The following LRRC39 variants were observed in gnomAD, a reference collection of about 807,000 sequenced individuals.
LRRC39 encodes leucine rich repeat containing 39.
Under a neutral mutation model 39.7 loss-of-function variants are expected in LRRC39, and 35 were observed. The ratio of observed to expected loss-of-function variants is 0.88; its 90% CI spans 0.67 to 1.17. The LOEUF (loss-of-function observed/expected upper bound fraction) is 1.17. Ranked by LOEUF, LRRC39 falls within the 50% of genes most tolerant of loss-of-function variation. The pLI is 0.00. For missense variants in LRRC39, 357 were observed against 385.8 expected (o/e 0.93, Z 0.62); for synonymous variants, 113 against 134.1 (o/e 0.84, Z 1.09).
In LRRC39 at chr1:100,168,440, T is replaced by C. The variant is rs931026821; in HGVS notation, c.77A>G (p.Asn26Ser). ...TTCCTTCTCTCGCTTCAGGTCTTCA[T>C]TGAGTTTCTTTATTCTTTTTTCCCA... is the stretch of plus-strand genomic sequence containing the variant. ...EVWEKRIKKLNEDLKREKEFQ... is the reference protein window; with the variant it reads ...EVWEKRIKKLSEDLKREKEFQ... Residue 26 changes from asparagine (N) to serine (S), a missense_variant, in exon 3 of 10, where the codon AAT becomes AGT. Transcript: ENST00000370137. 1.9e-6 allele frequency: 3 copies of C among 1,612,414 alleles called. No individual in the cohort carries two copies. Among genetic ancestry groups the C allele is most frequent in the African/African-American group, 2.7e-5 (2 of 74,868 alleles).
intron 3 of LRRC39, among the ~76,000 whole-genome samples, chr1:100,166,676 A>G (rs1659270214): frequency 6.6e-6 from 1 of 152,218 alleles, no homozygotes; most frequent in Non-Finnish European, 1.5e-5. Context: ...TTTAAAAGGG[A>G]AACAGAGCAT....
intron 2 of LRRC39, among the ~76,000 whole-genome samples, chr1:100,170,709 CTTCT>C (rs1452139635): frequency 6.6e-6 from 1 of 151,678 alleles, no homozygotes; most frequent in Non-Finnish European, 1.5e-5. Flanking sequence ...CCATCCCTTT[CTTCT>C]TTCTTTCTTT....
At chr1:100,176,295 G>A (rs147526660) in intron 1 of LRRC39, among the ~76,000 whole-genome samples, 6,889 of 152,230 alleles carry the variant, frequency 0.045, 180 homozygotes, top group African/African-American at 0.06. Context: ...AGGCGTGGTG[G>A]CACATGCCTG....
chr1:100,171,857 T>C (rs1557929709), intron 2 of LRRC39, among the ~76,000 whole-genome samples: 1 of 152,138 alleles, frequency 6.6e-6, no homozygotes, highest in South Asian at 2.1e-4. Context: ...ATCATGAAAT[T>C]AGAAGGCATT....
chr1:100,154,679 C>G (rs541110630), intron 8 of LRRC39, among the ~76,000 whole-genome samples: 3 of 152,084 alleles, frequency 2.0e-5, no homozygotes, highest in East Asian at 3.9e-4. Flanking sequence ...TCAGTTGATT[C>G]AAAATTTTGT....
At chr1:100,165,462 C>T (rs985367713) in intron 3 of LRRC39, among the ~76,000 whole-genome samples, 2 of 152,106 alleles carry the variant, frequency 1.3e-5, no homozygotes. Context: ...CCAGGATTGA[C>T]CTTGGGCTTC....
At position 100,168,565 on chromosome 1, in the gene LRRC39, C is replaced by T. The variant is rs1355966417; in HGVS notation, c.-49G>A. The T allele has an allele frequency of 2.2e-6, 3 of 1,388,334 alleles. No individual in the cohort carries two copies. Among genetic ancestry groups the T allele is most frequent in the East Asian group, 4.6e-5 (2 of 43,422 alleles). The allele number at this position is 1,388,334 out of a possible 1,614,324, so 86.0% of individuals were successfully genotyped here. Reference sequence around the variant, plus strand: ...ACCAACTTCATTAGGTTTTGAATAGCTGAATCATAGATACCATTTCAGAAA... The same window carrying T: ...ACCAACTTCATTAGGTTTTGAATAGTTGAATCATAGATACCATTTCAGAAA... On this transcript the variant is annotated 5_prime_UTR_variant, in exon 3 of 10. Coordinates refer to ENST00000370137, the MANE Select transcript of LRRC39 (RefSeq NM_144620.4).
chr1:100,159,453 A>T, intron 4 of LRRC39, 38 bp from the exon 5 acceptor site: 1 of 1,463,464 alleles, frequency 6.8e-7, no homozygotes, highest in South Asian at 1.5e-5. Flanking sequence ...TATATTACTT[A>T]AATTTTTTTA....
At chr1:100,167,038 T>A (rs1015457344) in intron 3 of LRRC39, among the ~76,000 whole-genome samples, 1 of 152,178 alleles carries the variant, frequency 6.6e-6, no homozygotes, top group Non-Finnish European at 1.5e-5. Context: ...CAGGGATGAA[T>A]CTTAATTTAT....
chr1:100,171,838 G>T (rs1407851494), intron 2 of LRRC39, among the ~76,000 whole-genome samples: 1 of 151,972 alleles, frequency 6.6e-6, no homozygotes, highest in Non-Finnish European at 1.5e-5. Flanking sequence ...TGTAGTCAAA[G>T]AAGCTATCAT....
intron 3 of LRRC39, among the ~76,000 whole-genome samples, chr1:100,164,747 G>A (rs1396854103): frequency 6.6e-6 from 1 of 151,700 alleles, no homozygotes; most frequent in Non-Finnish European, 1.5e-5. Context: ...TGACACCCAG[G>A]CTGGTGTGCA....
rs780873665 is a variant in LRRC39, at chr1:100,152,472, T to C, written c.865A>G (p.Ser289Gly). The C allele has an allele frequency of 3.7e-6, 6 of 1,614,082 alleles. No individual in the cohort carries two copies. The highest frequency in any genetic ancestry group is 5.1e-6 in the Non-Finnish European group (6 of 1,179,988). The stretch of plus-strand genomic sequence containing the variant: ...TCCTCTTCTTCATCTGTGCCTTCAC[T>C]GGGAGGAAGTGATACTTTCAATTTC... The part of the protein sequence containing the change: ...PLKLKVSLPP[S>G]EGTDEEEERE... Residue 289 changes from serine to glycine, a missense_variant, in exon 9 of 10, where the codon AGT becomes GGT. Transcript: ENST00000370137.
intron 9 of LRRC39, chr1:100,149,316 C>T (rs1657715032): frequency 3.9e-6 from 6 of 1,536,290 alleles, no homozygotes; most frequent in Non-Finnish European, 5.2e-6. Context: ...CAAATGCAGA[C>T]AATTCAGAGA....
chr1:100,153,913 C>T lies in LRRC39; in HGVS notation c.812+1138G>A, dbSNP rs547215657. Among the ~76,000 whole-genome samples the T allele has an allele frequency of 2.0e-5, 3 of 152,114 alleles. No individual in the cohort carries two copies. The Middle Eastern group carries it at 0.01, about 517-fold the overall frequency. On this transcript the variant is annotated intron_variant, in intron 8 of 9. Transcript: ENST00000370137. The stretch of plus-strand genomic sequence containing the variant: ...TGTTATAGGCATGCACCACCACTCC[C>T]GACTAATATATCTGCTATCAATAAC...
rs954096807 is a variant in LRRC39, at chr1:100,149,045, T to C, written c.1005A>G (p.Gly335=). The C allele has an allele frequency of 6.3e-7, 1 of 1,589,020 alleles. No homozygotes were observed. Among genetic ancestry groups the C allele is most frequent in the Non-Finnish European group, 8.5e-7 (1 of 1,170,710 alleles). The change falls in exon 10 of 10, where the codon GGA becomes GGG. Residue 335 remains glycine, a synonymous_variant. Transcript: ENST00000370137. ...TAGAAGGGCATCTTGAATTATATTA[T>C]CCATCCGTATTTATGGAGATTGGTA... is the stretch of plus-strand genomic sequence containing the variant. ...TTLPISINTD[G]
chr1:100,156,259 A>G lies in LRRC39; in HGVS notation c.572T>C (p.Ile191Thr). 1.2e-6 allele frequency: 2 copies of G among 1,613,892 alleles called. No homozygotes were observed. Among genetic ancestry groups the G allele is most frequent in the Non-Finnish European group, 1.7e-6 (2 of 1,179,856 alleles). ...LDLSMNDFTT[I>T]PLAVLNMPAL... ...AGGCATGTTCAACACAGCAAGAGGGATTGTAGTAAAATCGTTCATACTCAG... is the reference window on the plus strand; with the variant it reads ...AGGCATGTTCAACACAGCAAGAGGGGTTGTAGTAAAATCGTTCATACTCAG... Residue 191 changes from isoleucine to threonine, a missense_variant, in exon 7 of 10, where the codon ATC (isoleucine) becomes ACC (threonine). Ile to Thr is a moderately conservative substitution (Grantham distance 89). Coordinates refer to ENST00000370137, the MANE Select transcript of LRRC39 (RefSeq NM_144620.4).
intron 2 of LRRC39, among the ~76,000 whole-genome samples, chr1:100,170,456 A>C (rs1343454697): frequency 2.6e-5 from 4 of 152,172 alleles, no homozygotes; most frequent in Admixed American, 2.6e-4. Context: ...TAGATTCAAA[A>C]AGTAGCTTTG....
intron 6 of LRRC39, among the ~76,000 whole-genome samples, chr1:100,157,902 T>C (rs1054756098): frequency 1.3e-5 from 2 of 152,358 alleles, no homozygotes; most frequent in Non-Finnish European, 1.5e-5. Flanking sequence ...ATGATAACCA[T>C]TTATTAATTC....
chr1:100,161,681 C>G (rs1386401032), intron 3 of LRRC39, among the ~76,000 whole-genome samples: 1 of 152,194 alleles, frequency 6.6e-6, no homozygotes, highest in African/African-American at 2.4e-5. Context: ...AAGTCTCGCT[C>G]TGTCATCCAG....
Sources: gnomAD v4.1 joint callset for allele counts (sites outside exome capture counted in the v4.1 genomes callset) on GRCh38, gnomAD v4.1.1 for gene constraint, MANE v1.5 for transcripts, NCBI Gene and HGNC (gene_info 2026-07-23, HGNC 2026-07-21) for gene names.